The following GPC6 variants were observed in gnomAD, a reference collection of about 807,000 sequenced individuals.
GPC6 encodes the protein glypican-6.
GPC6 carries 14 observed loss-of-function variants against 55.2 expected under a neutral mutation model. That is an observed-to-expected ratio of 0.25 (90% CI 0.17 to 0.40). The LOEUF is 0.40. Among genes scored for constraint, GPC6 ranks in the 10% least tolerant of loss-of-function variants. The pLI, the probability that GPC6 is intolerant of heterozygous loss-of-function variation, is 1.00. For synonymous variants in GPC6, 278 were observed against 259.6 expected (o/e 1.07, Z -0.68); for missense variants, 641 against 708.5 (o/e 0.90, Z 1.08).
At chr13:93,847,468 C>T (rs1320966842) in intron 3 of GPC6, among the ~76,000 whole-genome samples, 1 of 152,080 alleles carries the variant, frequency 6.6e-6, no homozygotes, top group Non-Finnish European at 1.5e-5. Context: ...GGGTGTTTCA[C>T]AATCTTTGGG....
chr13:94,052,768 G>T (rs984243555), intron 4 of GPC6, among the ~76,000 whole-genome samples: 1 of 152,002 alleles, frequency 6.6e-6, no homozygotes, highest in Non-Finnish European at 1.5e-5. Context: ...TTAATTATGT[G>T]TCCCTTAATC....
intron 2 of GPC6, among the ~76,000 whole-genome samples, chr13:93,751,473 G>A (rs1231005450): frequency 6.6e-6 from 1 of 151,088 alleles, no homozygotes; most frequent in Non-Finnish European, 1.5e-5. Context: ...TTGTCCCTGT[G>A]GCTATAAGTC....
intron 1 of GPC6, among the ~76,000 whole-genome samples, chr13:93,352,283 T>G: frequency 6.6e-6 from 1 of 152,332 alleles, no homozygotes; most frequent in Non-Finnish European, 1.5e-5. Context: ...TGCATTAGTA[T>G]TCCAATAAAA....
At chr13:93,935,248 A>C (rs1411484255) in intron 3 of GPC6, among the ~76,000 whole-genome samples, 8 of 152,162 alleles carry the variant, frequency 5.3e-5, no homozygotes, top group African/African-American at 1.9e-4. Flanking sequence ...ATAATTTTTC[A>C]ACCCTTGGCC....
At chr13:93,843,079 CTT>C (rs67581832) in intron 3 of GPC6, among the ~76,000 whole-genome samples, 36 of 134,332 alleles carry the variant, frequency 2.7e-4, no homozygotes, top group Admixed American at 2.9e-4. Context: ...GGTGGCACTT[CTT>C]TTTTTTTTTT....
chr13:93,290,287 CAA>C (rs1878274491), intron 1 of GPC6, among the ~76,000 whole-genome samples: 1 of 151,940 alleles, frequency 6.6e-6, no homozygotes, highest in African/African-American at 2.4e-5. Flanking sequence ...CACAAATGAA[CAA>C]GAGAATAGAG....
At chr13:93,967,954 G>A (rs1488754002) in intron 3 of GPC6, among the ~76,000 whole-genome samples, 4 of 152,094 alleles carry the variant, frequency 2.6e-5, no homozygotes, top group Non-Finnish European at 5.9e-5. Context: ...AATCCCGTGG[G>A]CATTGACTCA....
At chr13:93,233,316 GT>G (rs1248009262) in intron 1 of GPC6, among the ~76,000 whole-genome samples, 1 of 148,578 alleles carries the variant, frequency 6.7e-6, no homozygotes, top group Non-Finnish European at 1.5e-5. Flanking sequence ...TGAAAAATAT[GT>G]TTTAAATGAA....
chr13:93,951,092 A>G (rs1045932207), intron 3 of GPC6, among the ~76,000 whole-genome samples: 1 of 152,132 alleles, frequency 6.6e-6, no homozygotes, highest in Admixed American at 6.5e-5. Context: ...CAGTCAAGTA[A>G]AATTTTAAAT....
intron 3 of GPC6, among the ~76,000 whole-genome samples, chr13:93,948,818 A>T (rs1879124890): frequency 6.6e-6 from 1 of 152,194 alleles, no homozygotes; most frequent in African/African-American, 2.4e-5. Flanking sequence ...AGCCAGGATT[A>T]TTGATGAATA....
chr13:93,440,038 A>T (rs1445262), intron 1 of GPC6, among the ~76,000 whole-genome samples: 32,210 of 152,164 alleles, frequency 0.21, 3,578 homozygotes, highest in Middle Eastern at 0.29. Flanking sequence ...TTACTTTATC[A>T]TTATTACAGT....
At chr13:93,849,771 T>A (rs980313583) in intron 3 of GPC6, among the ~76,000 whole-genome samples, 2 of 152,078 alleles carry the variant, frequency 1.3e-5, no homozygotes, top group Non-Finnish European at 2.9e-5. Context: ...GGTATACCAG[T>A]AGTTTCATAG....
chr13:93,880,458 C>A (rs974550680), intron 3 of GPC6, among the ~76,000 whole-genome samples: 2 of 151,980 alleles, frequency 1.3e-5, no homozygotes, highest in Non-Finnish European at 1.5e-5. Flanking sequence ...AGCAAACTAT[C>A]GCAAGAACAA....
At chr13:93,808,608 G>T (rs1334066994) in intron 2 of GPC6, among the ~76,000 whole-genome samples, 1 of 152,148 alleles carries the variant, frequency 6.6e-6, no homozygotes, top group Non-Finnish European at 1.5e-5. Context: ...CACTGTGACA[G>T]ACTTTGAACT....
At chr13:94,067,414 T>G (rs1884555168) in intron 4 of GPC6, among the ~76,000 whole-genome samples, 1 of 152,140 alleles carries the variant, frequency 6.6e-6, no homozygotes, top group Non-Finnish European at 1.5e-5. Context: ...TTCTTTTTAT[T>G]ATGCCGTATT....
At chr13:93,973,993 T>G (rs1424136612) in intron 3 of GPC6, among the ~76,000 whole-genome samples, 1 of 152,190 alleles carries the variant, frequency 6.6e-6, no homozygotes, top group Non-Finnish European at 1.5e-5. Flanking sequence ...TAGGTCAGGT[T>G]TGTTGCTTGG....
chr13:93,830,328 G>T lies in GPC6; in HGVS notation c.494G>T (p.Trp165Leu). The change falls in exon 3 of 9, where the codon TGG (tryptophan) becomes TTG (leucine). Residue 165 changes from tryptophan (W) to leucine (L), a missense_variant. Transcript: ENST00000377047. ...CTGGAGGAAATGCTCAATGACTTTT[G>T]GGCTCGGCTCCTGGAACGGATGTTT... ...VNLEEMLNDF[W>L]ARLLERMFQL... 1 of 1,613,908 alleles carries T rather than the reference G, an allele frequency of 6.2e-7. No individual in the cohort carries two copies. Among genetic ancestry groups the T allele is most frequent in the Non-Finnish European group, 8.5e-7 (1 of 1,179,958 alleles).
At chr13:93,577,740 A>T (rs1422634077) in intron 2 of GPC6, among the ~76,000 whole-genome samples, 1 of 151,848 alleles carries the variant, frequency 6.6e-6, no homozygotes, top group African/African-American at 2.4e-5. Flanking sequence ...AGGACTTCCA[A>T]TCTTATGTTA....
rs145841349 is a variant in GPC6, at chr13:94,274,047, A to G, written c.878-12302A>G. On this transcript the variant is annotated intron_variant, in intron 4 of 8. Coordinates refer to ENST00000377047, the MANE Select transcript of GPC6 (RefSeq NM_005708.5). ...GCTTATGATGTAACTAAACATCTCAAAGATATAATATAGCAATGAGATGAT... is the reference window on the plus strand; with the variant it reads ...GCTTATGATGTAACTAAACATCTCAGAGATATAATATAGCAATGAGATGAT... Among the ~76,000 whole-genome samples the G allele has an allele frequency of 8.8e-3, 1,345 of 152,342 alleles. 27 individuals carry two copies. The highest frequency in any genetic ancestry group is 0.031 in the African/African-American group (1,269 of 41,576).
Sources: gnomAD v4.1 joint callset for allele counts (sites outside exome capture counted in the v4.1 genomes callset) on GRCh38, gnomAD v4.1.1 for gene constraint, MANE v1.5 for transcripts, NCBI Gene and HGNC (gene_info 2026-07-23, HGNC 2026-07-21) for gene names.